The following SUPT5H variants were observed in gnomAD, a reference collection of about 807,000 sequenced individuals.
SUPT5H encodes SPT5 homolog, DSIF elongation factor subunit, also known as transcription elongation factor SPT5.
Under a neutral mutation model 142.5 loss-of-function variants are expected in SUPT5H, and 24 were observed. That is an observed-to-expected ratio of 0.17 (90% CI 0.12 to 0.24). SUPT5H has a LOEUF of 0.24. SUPT5H is among the 10% of genes least tolerant of loss of function. The pLI is 1.00. For missense variants in SUPT5H, 893 were observed against 1,471.8 expected, an observed-to-expected ratio of 0.61 and a Z score of 6.43; for synonymous variants, 546 against 553.0, an observed-to-expected ratio of 0.99 and a Z score of 0.18.
In SUPT5H at chr19:39,476,196, A is replaced by C. The variant is rs1568436173; in HGVS notation, c.3120+20A>C. ...AACAAGGTAAGGGCAGGGGGCAAGG[A>C]GATAAGATGGGGCCGTTGGGTGCTG... On this transcript the variant is annotated intron_variant, in intron 29 of 29. Transcript: ENST00000432763. 13 of 1,613,880 alleles carry C rather than the reference A, an allele frequency of 8.1e-6. No homozygotes were observed. The highest frequency in any genetic ancestry group is 9.3e-6 in the Non-Finnish European group (11 of 1,179,978).
At chr19:39,457,273 T>C (rs1040983713) in intron 3 of SUPT5H, among the ~76,000 whole-genome samples, 3 of 152,190 alleles carry the variant, frequency 2.0e-5, no homozygotes, top group Admixed American at 6.5e-5. Flanking sequence ...GCAGGGTGTA[T>C]AGTATGCTCT....
At chr19:39,456,072 G>A (rs1242679968) in intron 3 of SUPT5H, among the ~76,000 whole-genome samples, 2 of 144,438 alleles carry the variant, frequency 1.4e-5, no homozygotes, top group East Asian at 2.1e-4. Flanking sequence ...GATTATAGGC[G>A]TGTGCCACTA....
chr19:39,460,180 C>A, intron 10 of SUPT5H: 1 of 564,828 alleles, frequency 1.8e-6, no homozygotes, highest in Non-Finnish European at 3.2e-6. Flanking sequence ...AGGGTCTTCC[C>A]ACCCTTGTAG....
At chr19:39,457,941 T>C in intron 4 of SUPT5H, 1 of 864,070 alleles carries the variant, frequency 1.2e-6, no homozygotes, top group East Asian at 2.8e-5. Context: ...GGCCCTGGGG[T>C]GGGGATGTTG....
chr19:39,456,793 A>G (rs921620372), intron 3 of SUPT5H, among the ~76,000 whole-genome samples: 3 of 152,122 alleles, frequency 2.0e-5, no homozygotes, highest in African/African-American at 7.2e-5. Context: ...TCCTGGGCTC[A>G]AGTGATCTTC....
rs563890453 is a variant in SUPT5H, at chr19:39,472,610, C to T, written c.2035+117C>T. On this transcript the variant is annotated intron_variant, in intron 21 of 29. Coordinates refer to ENST00000432763, the MANE Select transcript of SUPT5H (RefSeq NM_001111020.3). The surrounding 1 kb of genome is among the most constrained non-coding windows in gnomAD (Gnocchi z 4.2). ...GGGCTGGGCACTGCTATTAGGGGTT[C>T]ACCACCCACAGGAGGGTAGACGCCA... The T allele has an allele frequency of 3.0e-3, 4,150 of 1,382,580 alleles. 6 individuals carry two copies. The highest frequency in any genetic ancestry group is 4.8e-3 in the South Asian group (371 of 78,104). The allele number at this position is 1,382,580 out of a possible 1,614,324, so 85.6% of individuals were successfully genotyped here.
At chr19:39,457,921 TG>T (rs2079111217) in intron 4 of SUPT5H, 181 bp downstream of exon 4, 5 of 680,512 alleles carry the variant, frequency 7.3e-6, no homozygotes, top group Non-Finnish European at 1.2e-5. Flanking sequence ...GGCCCATGAG[TG>T]GGGGGTGGGG....
Position 39,470,322 on chromosome 19 carries a change from C to A in SUPT5H, c.1530+48C>A. ...GAAGGGTGCACGTGCCAAGAGGAGA[C>A]CCAGGTAGGCGAGCCACCTGGACTG... is the stretch of plus-strand genomic sequence containing the variant. On this transcript the variant is annotated intron_variant, in intron 17 of 29. Transcript: ENST00000432763. The surrounding 1 kb of genome is among the most constrained non-coding windows in gnomAD (Gnocchi z 5.8). 6.5e-7 allele frequency: 1 copy of A among 1,541,928 alleles called. No individual in the cohort carries two copies.
In SUPT5H at chr19:39,458,020, G is replaced by C; in HGVS notation, c.308-274G>C. ...TGGGGTTGTAGGGTGGGCGAGCTCTGTCCCAAGATACCCCCCACTTCCTGG... is the reference window on the plus strand; with the variant it reads ...TGGGGTTGTAGGGTGGGCGAGCTCTCTCCCAAGATACCCCCCACTTCCTGG... On this transcript the variant is annotated intron_variant, in intron 4 of 29. Transcript: ENST00000432763. This position sits in a 1 kb window ranked among gnomAD's most constrained non-coding sequence, Gnocchi z 4.2. The C allele has an allele frequency of 1.4e-6, 1 of 731,576 alleles. No individual in the cohort carries two copies. The highest frequency in any genetic ancestry group is 2.3e-6 in the Non-Finnish European group (1 of 443,638). 45.3% of individuals were successfully genotyped at this position (731,576 alleles called of 1,614,324 possible). A position where few individuals can be genotyped will look rare whatever the true frequency, so the allele number is the denominator to read the frequency against.
chr19:39,473,729 G>A lies in SUPT5H; in HGVS notation c.2492+208G>A, dbSNP rs1294049313. 1.3e-5 allele frequency among the ~76,000 whole-genome samples: 2 copies of A among 152,160 alleles called. No homozygotes were observed. The highest frequency in any genetic ancestry group is 2.9e-5 in the Non-Finnish European group (2 of 68,030). ...ATCCCCAACCTCAGTAGTGATTGTG[G>A]TTACCCTTGGGCCTGGAGAAAGACT... On this transcript the variant is annotated intron_variant, in intron 25 of 29. Coordinates refer to ENST00000432763, the MANE Select transcript of SUPT5H (RefSeq NM_001111020.3). The surrounding 1 kb of genome is among the most constrained non-coding windows in gnomAD (Gnocchi z 5.8).
Position 39,469,103 on chromosome 19 carries a change from C to A in SUPT5H, c.1168C>A (p.Leu390Ile). The A allele has an allele frequency of 6.2e-7, 1 of 1,614,220 alleles. No homozygotes were observed. Among genetic ancestry groups the A allele is most frequent in the Non-Finnish European group, 8.5e-7 (1 of 1,180,034 alleles). ...AVITEGVKPT[L>I]SELEKFEDQP... ...GATCACGGAGGGTGTGAAGCCAACA[C>A]TCTCTGAGCTGGAAAAGTTTGAGGA... is the stretch of plus-strand genomic sequence containing the variant. The change falls in exon 15 of 30, where the codon CTC becomes ATC. Residue 390 changes from leucine (L) to isoleucine (I), a missense_variant. Leu to Ile is a conservative substitution (Grantham distance 5, BLOSUM62 2). Coordinates refer to ENST00000432763, the MANE Select transcript of SUPT5H (RefSeq NM_001111020.3). This position sits in a 1 kb window ranked among gnomAD's most constrained non-coding sequence, Gnocchi z 5.1.
At position 39,466,231 on chromosome 19, in the gene SUPT5H, G is replaced by T. The variant is rs1477077657; in HGVS notation, c.877-249G>T. The stretch of plus-strand genomic sequence containing the variant: ...GCAGGTTTGGGGGAATCAGCGGTTT[G>T]GCTGCGGTCGTCCTGGATTTGAGGG... On this transcript the variant is annotated intron_variant, in intron 11 of 29. Transcript: ENST00000432763. This position sits in a 1 kb window ranked among gnomAD's most constrained non-coding sequence, Gnocchi z 4.3. Among the ~76,000 whole-genome samples, 3 of 152,136 alleles carry T rather than the reference G, an allele frequency of 2.0e-5. No homozygotes were observed. Among genetic ancestry groups the T allele is most frequent in the Admixed American group, 1.3e-4 (2 of 15,264 alleles).
chr19:39,473,566 G>T lies in SUPT5H; in HGVS notation c.2492+45G>T. On this transcript the variant is annotated intron_variant, in intron 25 of 29. Transcript: ENST00000432763. This position sits in a 1 kb window ranked among gnomAD's most constrained non-coding sequence, Gnocchi z 5.8. ...GGTTCTGGTGTGTGCTGGTGTGTGT[G>T]AGGGATGATGCTGGGTGTCTGGGGC... 1 of 1,578,878 alleles carries T rather than the reference G, an allele frequency of 6.3e-7. No individual in the cohort carries two copies. Among genetic ancestry groups the T allele is most frequent in the Non-Finnish European group, 8.6e-7 (1 of 1,164,350 alleles).
Position 39,474,260 on chromosome 19 carries a change from A to G in SUPT5H, c.2678A>G (p.Tyr893Cys), listed in dbSNP as rs780846637. 3 of 1,613,492 alleles carry G rather than the reference A, an allele frequency of 1.9e-6. No individual in the cohort carries two copies. Among genetic ancestry groups the G allele is most frequent in the South Asian group, 1.1e-5 (1 of 91,044 alleles). Reference protein sequence around the residue: ...AMYNTDQFSPYAAPSPQGSYQ... With the variant: ...AMYNTDQFSPCAAPSPQGSYQ... ...TACAACACAGACCAGTTCTCTCCCT[A>G]TGCTGCCCCCTCCCCACAAGGTTCC... Residue 893 changes from tyrosine (Y) to cysteine (C), a missense_variant, in exon 27 of 30, where the codon TAT becomes TGT. By Grantham distance (194) the Tyr-to-Cys change is radical. Transcript: ENST00000432763. This position sits in a 1 kb window ranked among gnomAD's most constrained non-coding sequence, Gnocchi z 6.5.
chr19:39,466,442 G>T lies in SUPT5H; in HGVS notation c.877-38G>T, dbSNP rs2079237196. On this transcript the variant is annotated intron_variant, in intron 11 of 29. Coordinates refer to ENST00000432763, the MANE Select transcript of SUPT5H (RefSeq NM_001111020.3). The surrounding 1 kb of genome is among the most constrained non-coding windows in gnomAD (Gnocchi z 4.3). ...TTCTTGTGTCTGGGGTCAGGGAGGAGAGTGGGGCCCTGCTGACCTTCTGCT... is the reference window on the plus strand; with the variant it reads ...TTCTTGTGTCTGGGGTCAGGGAGGATAGTGGGGCCCTGCTGACCTTCTGCT... 6.3e-7 allele frequency: 1 copy of T among 1,583,756 alleles called. No individual in the cohort carries two copies. The highest frequency in any genetic ancestry group is 1.1e-5 in the South Asian group (1 of 90,366).
In SUPT5H at chr19:39,469,250, C is replaced by G. The variant is rs1284470736; in HGVS notation, c.1238-12C>G. ...GGCAACCCCCGAGTCAGCCCTACGACTGCCCCTGCAGGGAAGGAGCGGGAG... is the reference window on the plus strand; with the variant it reads ...GGCAACCCCCGAGTCAGCCCTACGAGTGCCCCTGCAGGGAAGGAGCGGGAG... On this transcript the variant is annotated splice_polypyrimidine_tract_variant and intron_variant, in intron 15 of 29. Coordinates refer to ENST00000432763, the MANE Select transcript of SUPT5H (RefSeq NM_001111020.3). This position sits in a 1 kb window ranked among gnomAD's most constrained non-coding sequence, Gnocchi z 5.1. 1 of 1,614,120 alleles carries G rather than the reference C, an allele frequency of 6.2e-7. No homozygotes were observed. Among genetic ancestry groups the G allele is most frequent in the Non-Finnish European group, 8.5e-7 (1 of 1,180,042 alleles).
intron 3 of SUPT5H, among the ~76,000 whole-genome samples, chr19:39,455,121 G>C (rs2079070698): frequency 1.3e-5 from 2 of 152,214 alleles, no homozygotes; most frequent in Non-Finnish European, 2.9e-5. Flanking sequence ...AGTTGCAAAA[G>C]TTTGGTGACC....
Position 39,445,612 on chromosome 19 carries a change from C to T in SUPT5H, c.-113C>T. 2.3e-6 allele frequency: 1 copy of T among 443,384 alleles called. No individual in the cohort carries two copies. The highest frequency in any genetic ancestry group is 4.2e-6 in the Non-Finnish European group (1 of 238,828). The allele number at this position is 443,384 out of a possible 1,614,324, so 27.5% of individuals were successfully genotyped here. On this transcript the variant is annotated 5_prime_UTR_variant, in exon 1 of 30. Transcript: ENST00000432763. ...GGCGTCGTGCGAACAGCAGCTGGTA[C>T]CGAAGGCGGAGGTGGAGCCCGAGAG...
intron 3 of SUPT5H, among the ~76,000 whole-genome samples, chr19:39,454,188 G>A (rs553145072): frequency 9.7e-4 from 147 of 152,300 alleles, no homozygotes; most frequent in Non-Finnish European, 1.7e-3. Flanking sequence ...TGTTGCCATT[G>A]TATGTAATTG....
Sources: allele counts gnomAD v4.1 joint callset (sites outside exome capture counted in the v4.1 genomes callset), GRCh38; gene constraint gnomAD v4.1.1; non-coding constraint Gnocchi (gnomAD v3.1); transcripts MANE v1.5; gene names NCBI Gene and HGNC (gene_info 2026-07-23, HGNC 2026-07-21).